The following SVEP1 variants were observed in gnomAD, a reference collection of about 807,000 sequenced individuals.
SVEP1 encodes the protein sushi, von Willebrand factor type A, EGF and pentraxin domain containing 1.
In SVEP1, 164 loss-of-function variants were observed where a neutral mutation model predicts 367.3. The observed-to-expected ratio is 0.45, with a 90% confidence interval of 0.39 to 0.51. The LOEUF is 0.51. SVEP1 is among the 20% of genes least tolerant of loss of function. SVEP1 has a pLI of 0.00. For synonymous variants in SVEP1, 1,666 were observed against 1,611.6 expected (o/e 1.03, Z -0.81); for missense variants, 4,117 against 4,425.3 (o/e 0.93, Z 1.98).
intron 1 of SVEP1, among the ~76,000 whole-genome samples, chr9:110,566,371 T>TA (rs1830494358): frequency 2.7e-5 from 4 of 147,126 alleles, no homozygotes; most frequent in South Asian, 4.3e-4. Context: ...AATAAATAAA[T>TA]AATAACCTAA....
chr9:110,553,207 C>T (rs1358516125), intron 1 of SVEP1, among the ~76,000 whole-genome samples: 2 of 152,066 alleles, frequency 1.3e-5, no homozygotes, highest in African/African-American at 4.8e-5. Flanking sequence ...TGCCCAAGCC[C>T]CAGAGCTTCA....
At chr9:110,455,482 T>C (rs1408059685) in intron 22 of SVEP1, 108 bp downstream of exon 22, 4 of 778,716 alleles carry the variant, frequency 5.1e-6, no homozygotes, top group Non-Finnish European at 8.0e-6. Flanking sequence ...TCAATATGTT[T>C]ATAATATTCT....
At chr9:110,577,555 A>G (rs1830641308) in intron 1 of SVEP1, among the ~76,000 whole-genome samples, 1 of 152,150 alleles carries the variant, frequency 6.6e-6, no homozygotes, top group South Asian at 2.1e-4. Flanking sequence ...AGCTATTCTA[A>G]AACTATGAAC....
At chr9:110,424,081 C>T (rs1828215855) in intron 36 of SVEP1, among the ~76,000 whole-genome samples, 1 of 152,194 alleles carries the variant, frequency 6.6e-6, no homozygotes, top group Admixed American at 6.5e-5. Context: ...CTCCTGGGAG[C>T]ATTTGGTACT....
chr9:110,577,098 T>C (rs1830636175), intron 1 of SVEP1, among the ~76,000 whole-genome samples: 1 of 152,088 alleles, frequency 6.6e-6, no homozygotes, highest in Non-Finnish European at 1.5e-5. Context: ...ATATTTTCTA[T>C]ATTGAAATCA....
intron 36 of SVEP1, among the ~76,000 whole-genome samples, chr9:110,426,144 T>A (rs1470383107): frequency 1.3e-5 from 2 of 152,204 alleles, no homozygotes; most frequent in Non-Finnish European, 1.5e-5. Context: ...GCATTGACAT[T>A]TTAATATTAA....
intron 1 of SVEP1, among the ~76,000 whole-genome samples, chr9:110,555,187 C>T (rs906787673): frequency 3.4e-5 from 5 of 148,132 alleles, no homozygotes; most frequent in East Asian, 2.0e-4. Flanking sequence ...ACATTAAAAA[C>T]GTGAGAATTT....
Position 110,431,988 on chromosome 9 carries a change from A to G in SVEP1, c.5280T>C (p.Ser1760=), listed in dbSNP as rs1219955353. Residue 1760 remains serine (S), a synonymous_variant, in exon 32 of 48, where the codon TCT becomes TCC. Coordinates refer to ENST00000374469, the MANE Select transcript of SVEP1 (RefSeq NM_153366.4). ...AVGSDCSEHA[S]CLNVDGSYIC... is the part of the protein sequence containing the mutation. The stretch of plus-strand genomic sequence containing the variant: ...TGTAGGATCCATCTACGTTCAGGCA[A>G]GAAGCATGCTCACTACAATCTGATC... 2 of 1,613,482 alleles carry G rather than the reference A, an allele frequency of 1.2e-6. No homozygotes were observed. Among genetic ancestry groups the G allele is most frequent in the African/African-American group, 2.7e-5 (2 of 74,898 alleles).
In SVEP1 at chr9:110,404,334, A is replaced by G; in HGVS notation, c.9659T>C (p.Val3220Ala). The change falls in exon 39 of 48, where the codon GTA becomes GCA. Residue 3220 changes from valine (V) to alanine (A), a missense_variant. Around this residue, in one of 4 missense-constraint regions of SVEP1, gnomAD observed 1,765 missense variants for 1,781.1 expected, o/e 0.99. Transcript: ENST00000374469. ...ATTAAGACAGAATCTTACCTGACAT[A>G]CTGATATGTTAACTCCCTCAAAGGT... ...GYTFEGVNIS[V>A]CQLDGTWEPP... 6.2e-7 allele frequency: 1 copy of G among 1,613,860 alleles called. No homozygotes were observed. The highest frequency in any genetic ancestry group is 8.5e-7 in the Non-Finnish European group (1 of 1,179,814).
intron 21 of SVEP1, among the ~76,000 whole-genome samples, chr9:110,456,736 G>A (rs1828781090): frequency 6.6e-6 from 1 of 152,102 alleles, no homozygotes; most frequent in Non-Finnish European, 1.5e-5. Context: ...AGTCAAATGT[G>A]AACCAAACTG....
At chr9:110,387,732 A>AT (rs1334731340) in intron 41 of SVEP1, among the ~76,000 whole-genome samples, 1 of 152,190 alleles carries the variant, frequency 6.6e-6, no homozygotes, top group African/African-American at 2.4e-5. Context: ...ATGGATGAGC[A>AT]GGTGGGTAAA....
At chr9:110,570,891 A>AGT (rs1254274259) in intron 1 of SVEP1, among the ~76,000 whole-genome samples, 1 of 151,600 alleles carries the variant, frequency 6.6e-6, no homozygotes, top group Non-Finnish European at 1.5e-5. Flanking sequence ...TGGCCAGGCC[A>AGT]GTGGCATTTG....
intron 3 of SVEP1, among the ~76,000 whole-genome samples, chr9:110,515,028 A>G (rs923447101): frequency 5.9e-5 from 9 of 152,230 alleles, no homozygotes; most frequent in Non-Finnish European, 1.2e-4. Flanking sequence ...TCCCAGGCTC[A>G]TGGAAAAAAA....
In SVEP1 at chr9:110,455,699, T is replaced by C. The variant is rs1828767092; in HGVS notation, c.3678A>G (p.Leu1226=). ...ACTCATCGATGTCTGTTTCACACTT[T>C]AAGCCTACAATGTAAACCAAATGCT... The part of the protein sequence containing the change: ...VCLCPLGYTG[L]KCETDIDECS... Residue 1226 remains leucine, a synonymous_variant, in exon 22 of 48, where the codon TTA becomes TTG. Transcript: ENST00000374469. 6.2e-7 allele frequency: 1 copy of C among 1,609,814 alleles called. No individual in the cohort carries two copies. The highest frequency in any genetic ancestry group is 1.3e-5 in the African/African-American group (1 of 74,846).
At chr9:110,388,398 A>AGGT (rs1486101225) in intron 41 of SVEP1, among the ~76,000 whole-genome samples, 2 of 152,194 alleles carry the variant, frequency 1.3e-5, no homozygotes, top group African/African-American at 4.8e-5. Flanking sequence ...AAGGCAGAGA[A>AGGT]GGTGGTTCTA....
At chr9:110,504,760 T>G (rs1031082544) in intron 5 of SVEP1, among the ~76,000 whole-genome samples, 1 of 150,436 alleles carries the variant, frequency 6.6e-6, no homozygotes, top group African/African-American at 2.5e-5. Flanking sequence ...GCCCAGCATT[T>G]GGGTCCTTGA....
At chr9:110,399,574 C>T (rs533532423) in intron 40 of SVEP1, among the ~76,000 whole-genome samples, 58 of 152,208 alleles carry the variant, frequency 3.8e-4, no homozygotes, top group African/African-American at 1.4e-3. Flanking sequence ...ACTCCTGTCA[C>T]CCAGGCTGGA....
At position 110,476,315 on chromosome 9, in the gene SVEP1, C is replaced by A. The variant is rs373593807; in HGVS notation, c.2488G>T (p.Val830Phe). Residue 830 changes from valine (V) to phenylalanine (F), a missense_variant and splice_region_variant, in exon 14 of 48, where the codon GTC becomes TTC. Physicochemically the swap from Val to Phe is conservative, Grantham distance 50. Coordinates refer to ENST00000374469, the MANE Select transcript of SVEP1 (RefSeq NM_153366.4). ...TCTGCATCACTACAAAATGATGGGA[C>A]CTGCAAGTAAAAAATGAAGAGGATA... Reference protein sequence around the residue: ...EAFETTLGKMVPSFCSDAEDI... With the variant: ...EAFETTLGKMFPSFCSDAEDI... 4.4e-6 allele frequency: 7 copies of A among 1,606,916 alleles called. No individual in the cohort carries two copies. The highest frequency in any genetic ancestry group is 2.2e-5 in the South Asian group (2 of 90,522).
chr9:110,442,849 G>A (rs909816285), intron 27 of SVEP1: 4 of 152,076 alleles, frequency 2.6e-5, no homozygotes, highest in African/African-American at 9.7e-5. Flanking sequence ...TAGTATTTTT[G>A]TGCTATATTT....
Sources: allele counts gnomAD v4.1 joint callset (sites outside exome capture counted in the v4.1 genomes callset), GRCh38; gene constraint gnomAD v4.1.1; regional missense constraint gnomAD v4.1.1; transcripts MANE v1.5; gene names NCBI Gene and HGNC (gene_info 2026-07-23, HGNC 2026-07-21).